Variants in NXPH1 observed in about 807,000 individuals in gnomAD.
NXPH1 encodes neurexophilin-1.
In NXPH1, 5 loss-of-function variants were observed where a neutral mutation model predicts 23.7. The ratio of observed to expected loss-of-function variants is 0.21; its 90% CI spans 0.11 to 0.44. The LOEUF (loss-of-function observed/expected upper bound fraction) is 0.44. Among genes scored for constraint, NXPH1 ranks in the 20% least tolerant of loss-of-function variants. The pLI is 0.99. For missense variants in NXPH1, 324 were observed against 321.6 expected (o/e 1.01, Z -0.06); for synonymous variants, 144 against 122.2 (o/e 1.18, Z -1.18).
At chr7:8,513,149 G>A (rs1055676779) in intron 2 of NXPH1, among the ~76,000 whole-genome samples, 7 of 152,040 alleles carry the variant, frequency 4.6e-5, no homozygotes, top group South Asian at 4.1e-4. Context: ...ATGAGAGAAC[G>A]TTACTTGGGA....
intron 2 of NXPH1, among the ~76,000 whole-genome samples, chr7:8,649,241 A>G (rs1383060788): frequency 6.6e-6 from 1 of 152,126 alleles, no homozygotes; most frequent in Non-Finnish European, 1.5e-5. Context: ...GATTGCCAAC[A>G]TATTTCAGTA....
chr7:8,621,273 G>A (rs1400007408), intron 2 of NXPH1, among the ~76,000 whole-genome samples: 4 of 152,138 alleles, frequency 2.6e-5, no homozygotes, highest in African/African-American at 9.7e-5. Context: ...CCAGGAAGAA[G>A]TCTGTCCAGG....
At chr7:8,449,379 C>G (rs1387995797) in intron 2 of NXPH1, among the ~76,000 whole-genome samples, 2 of 152,178 alleles carry the variant, frequency 1.3e-5, no homozygotes, top group Non-Finnish European at 2.9e-5. Flanking sequence ...GGTGTAAAGA[C>G]TACTAGAAAG....
At chr7:8,560,366 C>T (rs980529114) in intron 2 of NXPH1, among the ~76,000 whole-genome samples, 11 of 151,660 alleles carry the variant, frequency 7.3e-5, no homozygotes, top group African/African-American at 2.2e-4. Context: ...CTAAAGAACA[C>T]ACTCTAATTC....
chr7:8,437,022 AC>A (rs1816207495), intron 2 of NXPH1, among the ~76,000 whole-genome samples: 2 of 152,218 alleles, frequency 1.3e-5, no homozygotes, highest in African/African-American at 4.8e-5. Context: ...CAATCCAAGA[AC>A]CCTCAATGTT....
intron 2 of NXPH1, among the ~76,000 whole-genome samples, chr7:8,685,644 A>G (rs916126111): frequency 5.9e-5 from 9 of 152,096 alleles, no homozygotes; most frequent in African/African-American, 2.2e-4. Context: ...TTGTTGGATC[A>G]TATGGTAGCT....
chr7:8,590,639 A>G (rs537547809), intron 2 of NXPH1, among the ~76,000 whole-genome samples: 19 of 152,212 alleles, frequency 1.2e-4, no homozygotes, highest in African/African-American at 4.6e-4. Context: ...ACATTCTGCT[A>G]TTTGTAAATA....
chr7:8,608,672 T>G (rs1489410457), intron 2 of NXPH1, among the ~76,000 whole-genome samples: 1 of 152,070 alleles, frequency 6.6e-6, no homozygotes, highest in African/African-American at 2.4e-5. Context: ...AACATTGACT[T>G]TTTTGTGCGT....
intron 2 of NXPH1, among the ~76,000 whole-genome samples, chr7:8,649,569 G>T (rs960219614): frequency 2.0e-5 from 3 of 152,094 alleles, no homozygotes; most frequent in African/African-American, 7.2e-5. Context: ...TTTACTGATT[G>T]TGCAGCCCTT....
intron 2 of NXPH1, among the ~76,000 whole-genome samples, chr7:8,524,854 G>C (rs185807115): frequency 9.2e-4 from 140 of 152,284 alleles, no homozygotes; most frequent in Non-Finnish European, 1.6e-3. Context: ...ACATGGAACT[G>C]TAAGTCCAAT....
chr7:8,622,310 A>G (rs1819893222), intron 2 of NXPH1, among the ~76,000 whole-genome samples: 1 of 152,206 alleles, frequency 6.6e-6, no homozygotes, highest in African/African-American at 2.4e-5. Flanking sequence ...TGTATAGACA[A>G]TAAGACTGCG....
intron 2 of NXPH1, among the ~76,000 whole-genome samples, chr7:8,457,417 C>G (rs574098377): frequency 6.6e-6 from 1 of 152,276 alleles, no homozygotes; most frequent in Admixed American, 6.5e-5. Flanking sequence ...AGCAAAGAAT[C>G]AGGGTGCCTG....
rs547111821 is a variant in NXPH1 at position 8,482,948 on chromosome 7, G to A, written c.54+47181G>A. 8.5e-5 allele frequency among the ~76,000 whole-genome samples: 13 copies of A among 152,210 alleles called. No individual in the cohort carries two copies. The East Asian group carries it at 1.2e-3, about 14-fold the overall frequency. ...CTTAGTTTTTGTTATCCAAATAAAC[G>A]AAATATCTTCTCTAAATACATTACA... On this transcript the variant is annotated intron_variant, in intron 2 of 2. Transcript: ENST00000405863.
intron 2 of NXPH1, among the ~76,000 whole-genome samples, chr7:8,583,570 G>A (rs1818924142): frequency 6.6e-6 from 1 of 152,176 alleles, no homozygotes; most frequent in Admixed American, 6.5e-5. Flanking sequence ...AGACTGAGTT[G>A]CAGGGGGTTT....
chr7:8,709,106 G>A (rs1441298858), intron 2 of NXPH1, among the ~76,000 whole-genome samples: 1 of 152,084 alleles, frequency 6.6e-6, no homozygotes, highest in African/African-American at 2.4e-5. Context: ...ACATAATTAA[G>A]AAAAAAACTG....
intron 2 of NXPH1, among the ~76,000 whole-genome samples, chr7:8,512,393 A>T (rs1817626420): frequency 6.6e-6 from 1 of 152,140 alleles, no homozygotes; most frequent in Non-Finnish European, 1.5e-5. Context: ...GAGGTATATA[A>T]AGGTAAAGGA....
chr7:8,693,540 T>TG, intron 2 of NXPH1, among the ~76,000 whole-genome samples: 1 of 152,362 alleles, frequency 6.6e-6, no homozygotes, highest in Admixed American at 6.5e-5. Context: ...AAAACTTTGT[T>TG]TCCTCATCTC....
intron 2 of NXPH1, among the ~76,000 whole-genome samples, chr7:8,510,471 A>G (rs1481804375): frequency 6.6e-6 from 1 of 152,118 alleles, no homozygotes; most frequent in East Asian, 1.9e-4. Flanking sequence ...AGATTAAAAA[A>G]AAAATCTACA....
At chr7:8,465,639 C>G (rs938444609) in intron 2 of NXPH1, among the ~76,000 whole-genome samples, 40 of 152,338 alleles carry the variant, frequency 2.6e-4, no homozygotes, top group South Asian at 1.7e-3. Flanking sequence ...CTGTTAGCAA[C>G]AACATCCATT....
Sources: gnomAD v4.1 joint callset for allele counts (sites outside exome capture counted in the v4.1 genomes callset) on GRCh38, gnomAD v4.1.1 for gene constraint, MANE v1.5 for transcripts, NCBI Gene and HGNC (gene_info 2026-07-23, HGNC 2026-07-21) for gene names.